EPB41L4B: variants seen among roughly 807,000 people sequenced by gnomAD.
EPB41L4B encodes the protein erythrocyte membrane protein band 4.1 like 4B, also known as band 4.1-like protein 4B.
In EPB41L4B, 30 loss-of-function variants were observed where a neutral mutation model predicts 112.5. The ratio of observed to expected loss-of-function variants is 0.27; its 90% CI spans 0.20 to 0.36. EPB41L4B has a LOEUF of 0.36. Ranked by LOEUF, EPB41L4B falls within the 10% of genes least tolerant of loss-of-function variation. The pLI, the probability that EPB41L4B is intolerant of heterozygous loss-of-function variation, is 1.00. For missense variants in EPB41L4B, 1,024 were observed against 1,133.3 expected, an observed-to-expected ratio of 0.90 and a Z score of 1.38; for synonymous variants, 408 against 439.7, an observed-to-expected ratio of 0.93 and a Z score of 0.90.
intron 2 of EPB41L4B, 60 bp downstream of exon 2, chr9:109,279,757 G>T: frequency 7.3e-7 from 1 of 1,368,956 alleles, no homozygotes; most frequent in South Asian, 1.2e-5. Flanking sequence ...AGCAACTGTG[G>T]ACGTGCAATT....
At chr9:109,205,214 C>T (rs1832955861) in intron 18 of EPB41L4B, among the ~76,000 whole-genome samples, 3 of 152,194 alleles carry the variant, frequency 2.0e-5, no homozygotes, top group African/African-American at 7.2e-5. Flanking sequence ...CTTATAACAT[C>T]TTGGGAAACG....
At chr9:109,262,087 C>T (rs1463729171) in intron 6 of EPB41L4B, among the ~76,000 whole-genome samples, 1 of 152,168 alleles carries the variant, frequency 6.6e-6, no homozygotes, top group African/African-American at 2.4e-5. Context: ...AAACTACACA[C>T]CACCAGGGCA....
At chr9:109,286,189 A>G (rs1003965189) in intron 1 of EPB41L4B, among the ~76,000 whole-genome samples, 6 of 150,172 alleles carry the variant, frequency 4.0e-5, no homozygotes, top group African/African-American at 1.2e-4. Context: ...GGATGGATGG[A>G]TGGGTGGATG....
chr9:109,277,273 C>T (rs571081021), intron 2 of EPB41L4B, among the ~76,000 whole-genome samples: 18 of 144,684 alleles, frequency 1.2e-4, no homozygotes, highest in African/African-American at 4.7e-4. Context: ...GGAAATAGGC[C>T]TGCCGCTCCA....
rs537840705 is a variant in EPB41L4B, at chr9:109,214,151, C to T, written c.1634-333G>A. Among the ~76,000 whole-genome samples the T allele has an allele frequency of 5.1e-4, 77 of 152,228 alleles. 1 individual carries two copies. The highest frequency in any genetic ancestry group is 1.7e-3 in the African/African-American group (72 of 41,544). On this transcript the variant is annotated intron_variant, in intron 16 of 25. Transcript: ENST00000374566. Reference sequence around the variant, plus strand: ...CAATGAAGTCATTTATGTATAAATGCTTTAAAAATGGAAAAGCATTATGCA... The same window carrying T: ...CAATGAAGTCATTTATGTATAAATGTTTTAAAAATGGAAAAGCATTATGCA...
intron 4 of EPB41L4B, among the ~76,000 whole-genome samples, chr9:109,265,229 T>C (rs745596552): frequency 3.9e-5 from 6 of 152,062 alleles, no homozygotes; most frequent in Non-Finnish European, 8.8e-5. Context: ...GGAAGGTGAG[T>C]GCATGTGGGG....
chr9:109,271,156 C>G (rs932126583), intron 2 of EPB41L4B, among the ~76,000 whole-genome samples: 4 of 152,218 alleles, frequency 2.6e-5, no homozygotes, highest in African/African-American at 9.6e-5. Flanking sequence ...CAGACCACAG[C>G]CAGATGCTGG....
At chr9:109,240,426 A>T in intron 15 of EPB41L4B, 2 of 985,442 alleles carry the variant, frequency 2.0e-6, no homozygotes, top group Non-Finnish European at 2.4e-6. Context: ...AAAATATCTC[A>T]AAGGATGTCA....
intron 1 of EPB41L4B, chr9:109,300,199 T>G (rs1276945044): frequency 2.0e-5 from 3 of 152,120 alleles, no homozygotes; most frequent in African/African-American, 7.2e-5. Context: ...AATACCCAAG[T>G]CCAGCGATTA....
At chr9:109,223,077 C>G (rs1362002516) in intron 15 of EPB41L4B, among the ~76,000 whole-genome samples, 1 of 152,148 alleles carries the variant, frequency 6.6e-6, no homozygotes. Flanking sequence ...CATGTACCCC[C>G]AACCAGAGCA....
At chr9:109,235,911 G>C (rs1834124634) in intron 15 of EPB41L4B, among the ~76,000 whole-genome samples, 1 of 152,190 alleles carries the variant, frequency 6.6e-6, no homozygotes, top group Admixed American at 6.5e-5. Flanking sequence ...ATTGGCCAAA[G>C]GTCCCATGGC....
At chr9:109,240,153 A>C in intron 15 of EPB41L4B, 2 of 965,670 alleles carry the variant, frequency 2.1e-6, no homozygotes, top group Non-Finnish European at 2.5e-6. Flanking sequence ...AGATGGAGTC[A>C]AAAAAAAAGC....
intron 24 of EPB41L4B, among the ~76,000 whole-genome samples, chr9:109,179,289 T>A (rs994414821): frequency 6.6e-6 from 1 of 152,168 alleles, no homozygotes; most frequent in Non-Finnish European, 1.5e-5. Context: ...CAGACCAACT[T>A]TGTGCAGAGC....
At chr9:109,194,422 G>A in intron 20 of EPB41L4B, 25 bp from the exon 21 acceptor site, 2 of 1,610,930 alleles carry the variant, frequency 1.2e-6, no homozygotes, top group Non-Finnish European at 1.7e-6. Context: ...AGCACATGAA[G>A]CTCTGCTCAT....
intron 1 of EPB41L4B, among the ~76,000 whole-genome samples, chr9:109,316,177 C>T (rs1331726387): frequency 3.3e-5 from 5 of 152,198 alleles, no homozygotes; most frequent in Non-Finnish European, 7.3e-5. Context: ...GGTAGATCTT[C>T]GAATTCTGAA....
chr9:109,222,985 T>C (rs73654234), intron 15 of EPB41L4B, among the ~76,000 whole-genome samples: 5,645 of 152,202 alleles, frequency 0.037, 360 homozygotes, highest in African/African-American at 0.13. Flanking sequence ...CTAGTGTTCC[T>C]ACTGGGGCCT....
Position 109,174,424 on chromosome 9 carries a change from CAACT to C in EPB41L4B, c.*126_*129del, listed in dbSNP as rs1242405681. 1 of 864,452 alleles carries C rather than the reference CAACT, an allele frequency of 1.2e-6. No homozygotes were observed. The highest frequency in any genetic ancestry group is 1.9e-6 in the Non-Finnish European group (1 of 525,588). The allele number at this position is 864,452 out of a possible 1,614,324, so 53.5% of individuals were successfully genotyped here. On this transcript the variant is annotated 3_prime_UTR_variant, in exon 26 of 26. Coordinates refer to ENST00000374566, the MANE Select transcript of EPB41L4B (RefSeq NM_019114.5). ...TAAAAGTCAAGCCAGAAATTGGCTT[CAACT>C]AACCATGGAGACCTGGGCGAACAGA...
At chr9:109,197,321 G>C (rs1205111143) in intron 20 of EPB41L4B, among the ~76,000 whole-genome samples, 1 of 152,160 alleles carries the variant, frequency 6.6e-6, no homozygotes, top group Non-Finnish European at 1.5e-5. Flanking sequence ...TACTCGGCAG[G>C]CTGAGGCAGG....
At chr9:109,187,520 A>G (rs1483540739) in intron 22 of EPB41L4B, among the ~76,000 whole-genome samples, 1 of 151,716 alleles carries the variant, frequency 6.6e-6, no homozygotes, top group Non-Finnish European at 1.5e-5. Flanking sequence ...AGACTACTTA[A>G]AACCCTCCTG....
Sources: gnomAD v4.1 joint callset for allele counts (sites outside exome capture counted in the v4.1 genomes callset) on GRCh38, gnomAD v4.1.1 for gene constraint, MANE v1.5 for transcripts, NCBI Gene and HGNC (gene_info 2026-07-23, HGNC 2026-07-21) for gene names.